The following PDGFC variants were observed in gnomAD, a reference collection of about 807,000 sequenced individuals.
PDGFC encodes the protein platelet-derived growth factor C.
PDGFC carries 12 observed loss-of-function variants against 35.5 expected under a neutral mutation model. That is an observed-to-expected ratio of 0.34 (90% CI 0.22 to 0.55). The LOEUF is 0.55. PDGFC is among the 20% of genes least tolerant of loss of function. The pLI is 0.91. For missense variants in PDGFC, 322 were observed against 412.4 expected, an observed-to-expected ratio of 0.78 and a Z score of 1.90; for synonymous variants, 159 against 148.8, an observed-to-expected ratio of 1.07 and a Z score of -0.50.
chr4:156,866,115 C>A (rs1264047237), intron 1 of PDGFC, among the ~76,000 whole-genome samples: 1 of 152,112 alleles, frequency 6.6e-6, no homozygotes, highest in Non-Finnish European at 1.5e-5. Context: ...ACTGCCCCCA[C>A]CCGAGGACAG....
intron 3 of PDGFC, among the ~76,000 whole-genome samples, chr4:156,800,180 T>C (rs748622958): frequency 7.2e-5 from 11 of 152,156 alleles, no homozygotes; most frequent in Non-Finnish European, 1.3e-4. Flanking sequence ...ATATATTTTT[T>C]AAAACCACCA....
intron 3 of PDGFC, among the ~76,000 whole-genome samples, chr4:156,776,418 A>C (rs1730831019): frequency 6.6e-6 from 1 of 152,218 alleles, no homozygotes; most frequent in South Asian, 2.1e-4. Flanking sequence ...ATAGCAATGG[A>C]CACAAACCGG....
At chr4:156,814,641 A>G (rs1026685325) in intron 2 of PDGFC, among the ~76,000 whole-genome samples, 1 of 152,172 alleles carries the variant, frequency 6.6e-6, no homozygotes, top group Non-Finnish European at 1.5e-5. Flanking sequence ...TCTCTTCAGG[A>G]AGTCTAAAAT....
At chr4:156,776,221 G>T (rs1250013335) in intron 3 of PDGFC, among the ~76,000 whole-genome samples, 3 of 152,074 alleles carry the variant, frequency 2.0e-5, no homozygotes, top group Admixed American at 2.0e-4. Context: ...CCCATAATTA[G>T]TATCTAGAAA....
chr4:156,926,304 T>C (rs529489246), intron 1 of PDGFC, among the ~76,000 whole-genome samples: 12 of 151,958 alleles, frequency 7.9e-5, no homozygotes, highest in Admixed American at 2.0e-4. Context: ...CTGACCATGA[T>C]AGAACCAAGA....
chr4:156,969,177 CATT>C (rs1365846652), intron 1 of PDGFC, among the ~76,000 whole-genome samples: 1 of 152,192 alleles, frequency 6.6e-6, no homozygotes, highest in African/African-American at 2.4e-5. Flanking sequence ...GCATTGTTGT[CATT>C]ATGGAGGAGC....
intron 3 of PDGFC, among the ~76,000 whole-genome samples, chr4:156,777,349 A>C (rs1394878932): frequency 6.6e-6 from 1 of 152,222 alleles, no homozygotes; most frequent in Non-Finnish European, 1.5e-5. Flanking sequence ...GTTCACTCAA[A>C]ATTTCTATTC....
intron 1 of PDGFC, chr4:156,873,828 GC>G (rs1479666069): frequency 6.6e-6 from 1 of 152,192 alleles, no homozygotes. Flanking sequence ...GACAGGTCCT[GC>G]CTTTTAAAAG....
In PDGFC at chr4:156,818,615, G is replaced by A. The variant is rs563793680; in HGVS notation, c.315-7598C>T. 4.7e-5 allele frequency among the ~76,000 whole-genome samples: 7 copies of A among 149,500 alleles called. No homozygotes were observed. The East Asian group carries it at 1.4e-3, about 30-fold the overall frequency. The stretch of plus-strand genomic sequence containing the variant: ...GGCTCACTGCAAGCTCCGCCTCCTG[G>A]GTTCACGCCATTCTCCTGCCTCAGC... On this transcript the variant is annotated intron_variant, in intron 2 of 5. Transcript: ENST00000502773.
At chr4:156,822,324 A>C (rs1446728088) in intron 2 of PDGFC, among the ~76,000 whole-genome samples, 1 of 142,592 alleles carries the variant, frequency 7.0e-6, no homozygotes, top group Non-Finnish European at 1.5e-5. Flanking sequence ...GCGCCACTGC[A>C]CTCCAGCCTG....
At chr4:156,827,221 T>G (rs1003310527) in intron 2 of PDGFC, among the ~76,000 whole-genome samples, 2 of 152,008 alleles carry the variant, frequency 1.3e-5, no homozygotes, top group Non-Finnish European at 2.9e-5. Flanking sequence ...ATTGAGACCA[T>G]CCTGGCTAAC....
chr4:156,959,736 G>C (rs1732295291), intron 1 of PDGFC, among the ~76,000 whole-genome samples: 1 of 151,948 alleles, frequency 6.6e-6, no homozygotes, highest in Non-Finnish European at 1.5e-5. Context: ...TTGCACCTCT[G>C]AGTTTTTGCT....
chr4:156,905,248 T>A (rs901198699), intron 1 of PDGFC, among the ~76,000 whole-genome samples: 1 of 152,224 alleles, frequency 6.6e-6, no homozygotes, highest in Admixed American at 6.5e-5. Flanking sequence ...TTTGGCAATC[T>A]GAGAGCACCT....
At chr4:156,940,366 A>C (rs1731777006) in intron 1 of PDGFC, among the ~76,000 whole-genome samples, 1 of 152,166 alleles carries the variant, frequency 6.6e-6, no homozygotes, top group African/African-American at 2.4e-5. Flanking sequence ...GTTATGAAAT[A>C]TATATTCAAC....
rs573918453 is a variant in PDGFC at position 156,789,206 on chromosome 4, C to T, written c.496-16313G>A. Among the ~76,000 whole-genome samples, 481 of 152,216 alleles carry T rather than the reference C, an allele frequency of 3.2e-3. 1 individual carries two copies. Among genetic ancestry groups the T allele is most frequent in the African/African-American group, 0.011 (461 of 41,540 alleles). ...GTGAGGTTTTCCCTCTAATCAAATA[C>T]GGAGTGCAGACAGAAAAACTTATGA... On this transcript the variant is annotated intron_variant, in intron 3 of 5. Transcript: ENST00000502773.
intron 2 of PDGFC, among the ~76,000 whole-genome samples, chr4:156,834,001 C>T (rs913328645): frequency 6.6e-6 from 1 of 152,176 alleles, no homozygotes; most frequent in Non-Finnish European, 1.5e-5. Flanking sequence ...GAATGCAGTG[C>T]AAATGGCCTG....
chr4:156,776,277 G>T (rs190189499), intron 3 of PDGFC, among the ~76,000 whole-genome samples: 1 of 152,196 alleles, frequency 6.6e-6, no homozygotes, highest in Admixed American at 6.5e-5. Context: ...TGATTGGGCT[G>T]TTAAACTGGT....
chr4:156,963,474 T>C (rs1732389431), intron 1 of PDGFC, among the ~76,000 whole-genome samples: 1 of 146,068 alleles, frequency 6.8e-6, no homozygotes, highest in Middle Eastern at 3.4e-3. Flanking sequence ...GTCTCAAAAA[T>C]AAAACAAAAC....
intron 3 of PDGFC, among the ~76,000 whole-genome samples, chr4:156,776,184 G>A (rs1171758930): frequency 6.6e-6 from 1 of 152,170 alleles, no homozygotes; most frequent in Non-Finnish European, 1.5e-5. Context: ...AAGTAACACT[G>A]TTCATTACAG....
Sources: gnomAD v4.1 joint callset for allele counts (sites outside exome capture counted in the v4.1 genomes callset) on GRCh38, gnomAD v4.1.1 for gene constraint, MANE v1.5 for transcripts, NCBI Gene and HGNC (gene_info 2026-07-23, HGNC 2026-07-21) for gene names.